The following TET2 variants were observed in gnomAD, a reference collection of about 807,000 sequenced individuals.
TET2 encodes tet methylcytosine dioxygenase 2, also known as methylcytosine dioxygenase TET2.
Under a neutral mutation model 142.9 loss-of-function variants are expected in TET2, and 299 were observed. The ratio of observed to expected loss-of-function variants is 2.09; its 90% CI spans 1.90 to 2.30. TET2 has a LOEUF of 2.30. Ranked by LOEUF, TET2 falls within the 30% of genes most tolerant of loss-of-function variation. TET2 has a pLI of 0.00. For synonymous variants in TET2, 819 were observed against 849.0 expected (o/e 0.96, Z 0.61); for missense variants, 2,418 against 2,378.0 (o/e 1.02, Z -0.35).
At chr4:105,173,377 AAC>A (rs1491048393) in intron 1 of TET2, among the ~76,000 whole-genome samples, 1 of 151,168 alleles carries the variant, frequency 6.6e-6, no homozygotes. Context: ...AAAAAAAAAA[AAC>A]AAAACTAGCC....
chr4:105,264,089 T>C lies in TET2; in HGVS notation c.4044+2241T>C, dbSNP rs1290884074. Reference sequence around the variant, plus strand: ...TACTCTTCTTTTCCACTGTGGACTTTAACGTCCCAAACATTTTTTTTTTTT... The same window carrying C: ...TACTCTTCTTTTCCACTGTGGACTTCAACGTCCCAAACATTTTTTTTTTTT... On this transcript the variant is annotated intron_variant, in intron 8 of 10. Coordinates refer to ENST00000380013, the MANE Select transcript of TET2 (RefSeq NM_001127208.3). Among the ~76,000 whole-genome samples, 4 of 48,482 alleles carry C rather than the reference T, an allele frequency of 8.3e-5. No individual in the cohort carries two copies. The East Asian group carries it at 1.1e-3, about 14-fold the overall frequency. The allele number at this position is 48,482 out of a possible 152,430, so 31.8% of individuals were successfully genotyped here. A position where few individuals can be genotyped will look rare whatever the true frequency, so the allele number is the denominator to read the frequency against.
rs779231977 is a variant in TET2, at chr4:105,234,382, A to C, written c.440A>C (p.Lys147Thr). 6.2e-7 allele frequency: 1 copy of C among 1,614,076 alleles called. No homozygotes were observed. Among genetic ancestry groups the C allele is most frequent in the South Asian group, 1.1e-5 (1 of 91,088 alleles). Reference sequence around the variant, plus strand: ...CCAAATGTCTCCGATTTGAGTGATAAGAAAGAATCTGTGAGTTCTGTAGCC... The same window carrying C: ...CCAAATGTCTCCGATTTGAGTGATACGAAAGAATCTGTGAGTTCTGTAGCC... The part of the protein sequence containing the change: ...SQPNVSDLSD[K>T]KESVSSVAQE... The change falls in exon 3 of 11, where the codon AAG (lysine) becomes ACG (threonine). Residue 147 changes from lysine (K) to threonine (T), a missense_variant. By Grantham distance (78) the Lys-to-Thr change is moderately conservative (BLOSUM62 -1). Transcript: ENST00000380013.
At chr4:105,165,673 T>G (rs577409527) in intron 1 of TET2, among the ~76,000 whole-genome samples, 31 of 152,328 alleles carry the variant, frequency 2.0e-4, no homozygotes, top group Middle Eastern at 3.4e-3. Flanking sequence ...TTACTGATGA[T>G]TATTGCCATG....
chr4:105,209,049 G>GTATATA (rs36045001), intron 2 of TET2, among the ~76,000 whole-genome samples: 1,120 of 44,098 alleles, frequency 0.025, 137 homozygotes, highest in Non-Finnish European at 0.057. Flanking sequence ...TCAAGGCATG[G>GTATATA]TATATATATA....
At chr4:105,229,754 TTA>T (rs1728396091) in intron 2 of TET2, among the ~76,000 whole-genome samples, 2 of 152,190 alleles carry the variant, frequency 1.3e-5, no homozygotes, top group South Asian at 4.1e-4. Flanking sequence ...GGCCAGTTCA[TTA>T]TATATTCTCC....
At chr4:105,150,973 A>G (rs2110344814) in intron 1 of TET2, among the ~76,000 whole-genome samples, 1 of 152,342 alleles carries the variant, frequency 6.6e-6, no homozygotes, top group East Asian at 1.9e-4. Flanking sequence ...CTGACTTAAA[A>G]TAGATATATA....
chr4:105,149,092 A>C lies in TET2; in HGVS notation c.-193+2113A>C, dbSNP rs11725310. Among the ~76,000 whole-genome samples, 801 of 152,344 alleles carry C rather than the reference A, an allele frequency of 5.3e-3. 5 individuals are homozygous for C. Among genetic ancestry groups the C allele is most frequent in the Middle Eastern group, 0.01 (3 of 292 alleles). On this transcript the variant is annotated intron_variant, in intron 1 of 10. Transcript: ENST00000380013. Reference sequence around the variant, plus strand: ...TAGGATTTTACCATTAATGCTGTTCATGGTAAACTATCGAGAAAACTATGG... The same window carrying C: ...TAGGATTTTACCATTAATGCTGTTCCTGGTAAACTATCGAGAAAACTATGG...
chr4:105,242,547 G>A (rs1284634920), intron 4 of TET2: 2 of 1,167,804 alleles, frequency 1.7e-6, no homozygotes, highest in Non-Finnish European at 2.1e-6. Context: ...CCTGAATTTT[G>A]TGCTTTGTGA....
intron 2 of TET2, among the ~76,000 whole-genome samples, chr4:105,228,237 T>G (rs1057214263): frequency 1.3e-5 from 2 of 152,138 alleles, no homozygotes. Context: ...AGTTTAAATT[T>G]CCTGAAATAA....
rs1333328227 is a variant in TET2 at position 105,242,840 on chromosome 4, A to G, written c.3507A>G (p.Gly1169=). ...AIREIMEERF[G]QKGKAIRIER... is the part of the protein sequence containing the mutation. ...TTCTGTGGGTTTCTTTAAGGTTTGG[A>G]CAGAAGGGTAAAGCTATTAGGATTG... is the stretch of plus-strand genomic sequence containing the variant. The change falls in exon 5 of 11, where the codon GGA becomes GGG. Residue 1169 remains glycine, a synonymous_variant. Transcript: ENST00000380013. The G allele has an allele frequency of 1.3e-6, 2 of 1,550,892 alleles. No homozygotes were observed. The highest frequency in any genetic ancestry group is 2.7e-5 in the African/African-American group (2 of 73,010).
chr4:105,171,784 C>T (rs1165140003), intron 1 of TET2: 1 of 152,144 alleles, frequency 6.6e-6, no homozygotes, highest in African/African-American at 2.4e-5. Flanking sequence ...GTGGGTAAAC[C>T]TACAGAAACA....
chr4:105,159,181 G>T (rs1327652971), intron 1 of TET2, among the ~76,000 whole-genome samples: 2 of 151,852 alleles, frequency 1.3e-5, no homozygotes, highest in Non-Finnish European at 2.9e-5. Flanking sequence ...ATTCCCTAAC[G>T]CATGGTTTTC....
chr4:105,147,978 G>A (rs1427668555), intron 1 of TET2, among the ~76,000 whole-genome samples: 1 of 151,946 alleles, frequency 6.6e-6, no homozygotes, highest in Non-Finnish European at 1.5e-5. Context: ...TTTCTCTTTG[G>A]CTTCTCTCTT....
At chr4:105,169,689 C>CTTCTAGAA (rs1287389524) in intron 1 of TET2, among the ~76,000 whole-genome samples, 1 of 152,122 alleles carries the variant, frequency 6.6e-6, no homozygotes, top group Non-Finnish European at 1.5e-5. Flanking sequence ...CTGATGTTAT[C>CTTCTAGAA]TTCTAGAATT....
chr4:105,217,979 C>T (rs895648274), intron 2 of TET2, among the ~76,000 whole-genome samples: 11 of 151,988 alleles, frequency 7.2e-5, no homozygotes, highest in Admixed American at 2.0e-4. Context: ...TTATCTCTCC[C>T]GCAGAGTTGA....
In TET2 at chr4:105,278,376, A is replaced by AT. The variant is rs1731316339; in HGVS notation, c.*1864dup. 2 of 212,134 alleles carry AT rather than the reference A, an allele frequency of 9.4e-6. No homozygotes were observed. Among genetic ancestry groups the AT allele is most frequent in the Non-Finnish European group, 1.9e-5 (2 of 105,796 alleles). The allele number at this position is 212,134 out of a possible 1,614,324, so 13.1% of individuals were successfully genotyped here. ...GAGAGTGAAAGCATTGTGTACCATCATTTTTTTCCAAGTCCTTTTTTTTAT... is the reference window on the plus strand; with the variant it reads ...GAGAGTGAAAGCATTGTGTACCATCATTTTTTTTCCAAGTCCTTTTTTTTAT... On this transcript the variant is annotated 3_prime_UTR_variant, in exon 11 of 11. Coordinates refer to ENST00000380013, the MANE Select transcript of TET2 (RefSeq NM_001127208.3).
At chr4:105,272,958 G>A in intron 10 of TET2, 40 bp downstream of exon 10, 1 of 1,440,710 alleles carries the variant, frequency 6.9e-7, no homozygotes, top group South Asian at 1.4e-5. Context: ...AATGTGTTGT[G>A]TGGTATATTA....
At chr4:105,208,234 A>G (rs764141532) in intron 2 of TET2, among the ~76,000 whole-genome samples, 5 of 152,116 alleles carry the variant, frequency 3.3e-5, no homozygotes, top group Non-Finnish European at 7.4e-5. Flanking sequence ...TCTTAGGCCA[A>G]CTTATCTTGG....
chr4:105,258,632 A>G (rs1730261850), intron 6 of TET2, among the ~76,000 whole-genome samples: 1 of 152,166 alleles, frequency 6.6e-6, no homozygotes, highest in Non-Finnish European at 1.5e-5. Flanking sequence ...GATTTTTCCT[A>G]TTCATAGTTG....
Sources: gnomAD v4.1 joint callset for allele counts (sites outside exome capture counted in the v4.1 genomes callset) on GRCh38, gnomAD v4.1.1 for gene constraint, MANE v1.5 for transcripts, NCBI Gene and HGNC (gene_info 2026-07-23, HGNC 2026-07-21) for gene names.